RFTN2: variants seen among roughly 807,000 people sequenced by gnomAD.
The protein encoded by RFTN2 is raftlin-2.
Under a neutral mutation model 52.7 loss-of-function variants are expected in RFTN2, and 34 were observed. The observed-to-expected ratio is 0.64, with a 90% confidence interval of 0.49 to 0.86. RFTN2 has a LOEUF of 0.86. Ranked by LOEUF, RFTN2 falls within the 40% of genes least tolerant of loss-of-function variation. The pLI, the probability that RFTN2 is intolerant of heterozygous loss-of-function variation, is 0.00. For missense variants in RFTN2, 536 were observed against 600.1 expected (o/e 0.89, Z 1.12); for synonymous variants, 203 against 217.7 (o/e 0.93, Z 0.59).
chr2:197,612,251 T>G (rs2088073349), intron 7 of RFTN2, among the ~76,000 whole-genome samples: 1 of 152,170 alleles, frequency 6.6e-6, no homozygotes, highest in African/African-American at 2.4e-5. Context: ...TTCTATCCTG[T>G]GTTCTAAAGT....
intron 7 of RFTN2, among the ~76,000 whole-genome samples, chr2:197,596,706 A>G (rs1280212722): frequency 1.3e-5 from 2 of 152,224 alleles, no homozygotes; most frequent in South Asian, 2.1e-4. Flanking sequence ...CTTATGATTT[A>G]AGCTTCTTGG....
At position 197,633,906 on chromosome 2, in the gene RFTN2, T is replaced by A; in HGVS notation, c.530A>T (p.Asp177Val). Residue 177 changes from aspartate (D) to valine (V), a missense_variant, in exon 4 of 9, where the codon GAT becomes GTT. Coordinates refer to ENST00000295049, the MANE Select transcript of RFTN2 (RefSeq NM_144629.3). ...ATGTAGCATCGATTCTATATCTCCA[T>A]CATGGTTGGTTCCATTGCAGAATTT... ...PSKFCNGTNH[D>V]GDIESMLHVR... is the part of the protein sequence containing the mutation. The A allele has an allele frequency of 1.2e-6, 2 of 1,613,816 alleles. No homozygotes were observed. The highest frequency in any genetic ancestry group is 2.2e-5 in the South Asian group (2 of 91,072).
At chr2:197,594,538 C>T (rs2087766562) in intron 8 of RFTN2, among the ~76,000 whole-genome samples, 2 of 152,206 alleles carry the variant, frequency 1.3e-5, no homozygotes, top group South Asian at 4.1e-4. Flanking sequence ...GCCAATGTTT[C>T]CCAGGCTGGT....
intron 1 of RFTN2, among the ~76,000 whole-genome samples, chr2:197,647,702 G>A (rs1277786738): frequency 6.6e-6 from 1 of 152,012 alleles, no homozygotes; most frequent in South Asian, 2.1e-4. Context: ...CTTGAGTAAA[G>A]GTGAATGAAA....
chr2:197,606,463 T>C (rs2087963457), intron 7 of RFTN2, among the ~76,000 whole-genome samples: 2 of 152,116 alleles, frequency 1.3e-5, no homozygotes, highest in Non-Finnish European at 2.9e-5. Context: ...TACACTCTCA[T>C]AAAAAGCTTT....
At chr2:197,642,063 T>C (rs1324320498) in intron 3 of RFTN2, among the ~76,000 whole-genome samples, 1 of 152,358 alleles carries the variant, frequency 6.6e-6, no homozygotes, top group East Asian at 1.9e-4. Context: ...AGAATAGTGC[T>C]AATAAACAAT....
At chr2:197,657,235 G>C (rs1409332489) in intron 1 of RFTN2, among the ~76,000 whole-genome samples, 1 of 152,034 alleles carries the variant, frequency 6.6e-6, no homozygotes, top group Non-Finnish European at 1.5e-5. Flanking sequence ...TAAAAAAAGT[G>C]ACAATTAATT....
rs534319372 is a variant in RFTN2 at position 197,571,934 on chromosome 2, A to G, written c.*74T>C. 51 of 1,449,316 alleles carry G rather than the reference A, an allele frequency of 3.5e-5. No individual in the cohort carries two copies. The South Asian group carries it at 5.8e-4, about 16-fold the overall frequency. The allele number at this position is 1,449,316 out of a possible 1,614,324, so 89.8% of individuals were successfully genotyped here. ...AAAAATATTACATAAATGCAGAGAA[A>G]GTAATACAATAAGGTCAGTTGGCAA... is the stretch of plus-strand genomic sequence containing the variant. On this transcript the variant is annotated 3_prime_UTR_variant, in exon 9 of 9. Transcript: ENST00000295049.
At chr2:197,586,083 C>T (rs958371653) in intron 8 of RFTN2, among the ~76,000 whole-genome samples, 1 of 152,164 alleles carries the variant, frequency 6.6e-6, no homozygotes, top group African/African-American at 2.4e-5. Context: ...TACAGATAAG[C>T]CCTCTATCAA....
intron 1 of RFTN2, among the ~76,000 whole-genome samples, chr2:197,670,698 CT>C (rs2089133240): frequency 6.6e-6 from 1 of 151,518 alleles, no homozygotes; most frequent in African/African-American, 2.4e-5. Context: ...ATTTCAATTC[CT>C]TCTTGAAATT....
At chr2:197,597,973 A>C (rs1054438560) in intron 7 of RFTN2, among the ~76,000 whole-genome samples, 11 of 152,156 alleles carry the variant, frequency 7.2e-5, no homozygotes, top group African/African-American at 2.7e-4. Context: ...GGTGCAGTTA[A>C]GGGAAGGGGA....
chr2:197,586,120 G>A (rs1427360238), intron 8 of RFTN2, among the ~76,000 whole-genome samples: 1 of 152,132 alleles, frequency 6.6e-6, no homozygotes, highest in Non-Finnish European at 1.5e-5. Context: ...AACATTAGCA[G>A]TAATTATTGC....
At chr2:197,652,042 T>C (rs1343610152) in intron 1 of RFTN2, among the ~76,000 whole-genome samples, 1 of 152,232 alleles carries the variant, frequency 6.6e-6, no homozygotes, top group Non-Finnish European at 1.5e-5. Flanking sequence ...TCTTTATAAA[T>C]TATAAAATTG....
At chr2:197,616,733 C>T (rs1344596845) in intron 6 of RFTN2, among the ~76,000 whole-genome samples, 2 of 152,126 alleles carry the variant, frequency 1.3e-5, no homozygotes, top group African/African-American at 4.8e-5. Context: ...ATGAGAGGCG[C>T]TTGGGTGTGG....
intron 7 of RFTN2, among the ~76,000 whole-genome samples, chr2:197,613,683 C>A (rs1181044954): frequency 6.6e-6 from 1 of 152,216 alleles, no homozygotes; most frequent in Non-Finnish European, 1.5e-5. Flanking sequence ...AGAGAATAAA[C>A]AAGATTTACC....
chr2:197,666,394 G>T (rs1474502627), intron 1 of RFTN2, among the ~76,000 whole-genome samples: 1 of 152,176 alleles, frequency 6.6e-6, no homozygotes, highest in African/African-American at 2.4e-5. Context: ...CCATTTATGA[G>T]GCTAATTTTG....
At position 197,666,280 on chromosome 2, in the gene RFTN2, T is replaced by TCA. The variant is rs2089056218; in HGVS notation, c.139+9038_139+9039dup. Among the ~76,000 whole-genome samples, 4 of 152,322 alleles carry TCA rather than the reference T, an allele frequency of 2.6e-5. No individual in the cohort carries two copies. The South Asian group carries it at 8.3e-4, about 32-fold the overall frequency. On this transcript the variant is annotated intron_variant, in intron 1 of 8. Transcript: ENST00000295049. ...TTGTATTTTTAGTAGAAACAGGGCTTCACCATGTTGGCCAGGCTGGTCTTG... is the reference window on the plus strand; with the variant it reads ...TTGTATTTTTAGTAGAAACAGGGCTTCACACCATGTTGGCCAGGCTGGTCTTG...
chr2:197,627,368 G>C (rs1005373423), intron 5 of RFTN2, among the ~76,000 whole-genome samples: 1 of 152,172 alleles, frequency 6.6e-6, no homozygotes, highest in East Asian at 1.9e-4. Context: ...TCTTAGTTTT[G>C]AAATTAGATA....
At chr2:197,629,476 A>G (rs1279246451) in intron 5 of RFTN2, among the ~76,000 whole-genome samples, 1 of 152,092 alleles carries the variant, frequency 6.6e-6, no homozygotes, top group East Asian at 1.9e-4. Flanking sequence ...GGATAGTATT[A>G]GGAGAAATAC....
Sources: allele counts gnomAD v4.1 joint callset (sites outside exome capture counted in the v4.1 genomes callset), GRCh38; gene constraint gnomAD v4.1.1; transcripts MANE v1.5; gene names NCBI Gene and HGNC (gene_info 2026-07-23, HGNC 2026-07-21).